Variants in PCDHGA2 observed in about 807,000 individuals in gnomAD.
The protein encoded by PCDHGA2 is protocadherin gamma subfamily A, 2, also known as protocadherin gamma-A2.
Under a neutral mutation model 59.2 loss-of-function variants are expected in PCDHGA2, and 40 were observed. That is an observed-to-expected ratio of 0.68 (90% CI 0.52 to 0.88). The LOEUF is 0.88. Among genes scored for constraint, PCDHGA2 ranks in the 40% least tolerant of loss-of-function variants. The pLI is 0.00. For synonymous variants in PCDHGA2, 560 were observed against 526.0 expected (o/e 1.06, Z -0.89); for missense variants, 1,226 against 1,204.0 (o/e 1.02, Z -0.27).
intron 1 of PCDHGA2, among the ~76,000 whole-genome samples, chr5:141,492,593 A>T (rs907659087): frequency 1.3e-5 from 2 of 152,100 alleles, no homozygotes; most frequent in African/African-American, 4.8e-5. Context: ...GGAGCGCTGG[A>T]GCGACTGCCG....
chr5:141,457,079 C>T (rs114054058), intron 1 of PCDHGA2, among the ~76,000 whole-genome samples: 2,973 of 152,194 alleles, frequency 0.02, 43 homozygotes, highest in African/African-American at 0.029. Flanking sequence ...AACTATTATC[C>T]CTGCTATAAG....
chr5:141,339,267 G>T lies in PCDHGA2; in HGVS notation c.296G>T (p.Ser99Ile). The T allele has an allele frequency of 6.2e-7, 1 of 1,614,258 alleles. No individual in the cohort carries two copies. Residue 99 changes from serine (S) to isoleucine (I), a missense_variant, in exon 1 of 4, where the codon AGC (serine) becomes ATC (isoleucine). Transcript: ENST00000394576. Reference sequence around the variant, plus strand: ...GACCGGGAGGAGCTCTGCGCTCAGAGCGCACCCTGTCTGTTGAATTTTAAC... The same window carrying T: ...GACCGGGAGGAGCTCTGCGCTCAGATCGCACCCTGTCTGTTGAATTTTAAC... ...RIDREELCAQ[S>I]APCLLNFNIL...
chr5:141,492,557 G>A (rs2154587614), intron 1 of PCDHGA2, among the ~76,000 whole-genome samples: 1 of 152,350 alleles, frequency 6.6e-6, no homozygotes, highest in East Asian at 1.9e-4. Flanking sequence ...TCGCCTGGGG[G>A]GCGGCCTGAG....
intron 1 of PCDHGA2, among the ~76,000 whole-genome samples, chr5:141,437,777 C>T (rs998490046): frequency 2.0e-5 from 3 of 148,970 alleles, no homozygotes; most frequent in Admixed American, 6.7e-5. Context: ...CTCAATCTGT[C>T]GCCAAGCTGG....
At chr5:141,423,659 A>G in intron 1 of PCDHGA2, 2 of 1,551,038 alleles carry the variant, frequency 1.3e-6, no homozygotes, top group Non-Finnish European at 1.7e-6. Flanking sequence ...ACAAGTAATC[A>G]GGTGAGATTT....
At chr5:141,360,338 T>C in intron 1 of PCDHGA2, 1 of 1,613,830 alleles carries the variant, frequency 6.2e-7, no homozygotes, top group East Asian at 2.2e-5. Flanking sequence ...AAGCTGCGGG[T>C]TAGCGCGGAG....
intron 2 of PCDHGA2, among the ~76,000 whole-genome samples, chr5:141,502,056 C>T (rs1163976282): frequency 1.3e-5 from 2 of 152,116 alleles, no homozygotes; most frequent in Non-Finnish European, 2.9e-5. Flanking sequence ...CTACTTTATT[C>T]CCATTAGCCC....
chr5:141,360,965 T>C lies in PCDHGA2; in HGVS notation c.2424+19570T>C, dbSNP rs780001160. 1.4e-5 allele frequency: 23 copies of C among 1,613,904 alleles called. 1 individual carries two copies. The highest frequency in any genetic ancestry group is 1.3e-4 in the South Asian group (12 of 91,086). ...CGGGATGAAGGCATAAACGCAGAGA[T>C]CACCTACTCCTTTCATAATGTGGAC... On this transcript the variant is annotated intron_variant, in intron 1 of 3. Coordinates refer to ENST00000394576, the MANE Select transcript of PCDHGA2 (RefSeq NM_018915.4).
intron 1 of PCDHGA2, among the ~76,000 whole-genome samples, chr5:141,466,351 A>G (rs897901821): frequency 6.6e-6 from 1 of 152,050 alleles, no homozygotes; most frequent in African/African-American, 2.4e-5. Context: ...TTTTGCAGCT[A>G]ATCTAGATGT....
chr5:141,393,434 T>C (rs1554093883), intron 1 of PCDHGA2: 5 of 1,613,902 alleles, frequency 3.1e-6, no homozygotes, highest in South Asian at 1.1e-5. Flanking sequence ...AAGAGGCTGC[T>C]CACCACCTGG....
At chr5:141,357,087 A>C in intron 1 of PCDHGA2, 1 of 1,613,882 alleles carries the variant, frequency 6.2e-7, no homozygotes, top group Non-Finnish European at 8.5e-7. Flanking sequence ...TGCGCACCGC[A>C]CGGGCCCTGC....
At chr5:141,425,606 G>A (rs1419859039) in intron 1 of PCDHGA2, among the ~76,000 whole-genome samples, 1 of 152,156 alleles carries the variant, frequency 6.6e-6, no homozygotes, top group Non-Finnish European at 1.5e-5. Context: ...GCCCTATATA[G>A]CTTTCAGTGC....
rs750914672 is a variant in PCDHGA2 at position 141,371,927 on chromosome 5, C to A, written c.2424+30532C>A. ...CCTACGTGTCCGTGAGCGCGCGGAG[C>A]GGGGTGGTGTTCGCGCAGCGAGCCT... On this transcript the variant is annotated intron_variant, in intron 1 of 3. Coordinates refer to ENST00000394576, the MANE Select transcript of PCDHGA2 (RefSeq NM_018915.4). 53 of 1,613,208 alleles carry A rather than the reference C, an allele frequency of 3.3e-5. No homozygotes were observed. The highest frequency in any genetic ancestry group is 3.9e-5 in the Non-Finnish European group (46 of 1,179,904).
Position 141,490,942 on chromosome 5 carries a change from C to T in PCDHGA2, c.2425-3865C>T, listed in dbSNP as rs371286343. On this transcript the variant is annotated intron_variant, in intron 1 of 3. Coordinates refer to ENST00000394576, the MANE Select transcript of PCDHGA2 (RefSeq NM_018915.4). This position sits in a 1 kb window ranked among gnomAD's most constrained non-coding sequence, Gnocchi z 5.4. ...TAATGCCCCAGCTGTGCTGCACCCA[C>T]GGCCAGACTGGGAACACTCAGCCCC... 8.7e-5 allele frequency: 141 copies of T among 1,613,526 alleles called. No individual in the cohort carries two copies. Among genetic ancestry groups the T allele is most frequent in the Non-Finnish European group, 1.1e-4 (126 of 1,179,768 alleles).
In PCDHGA2 at chr5:141,405,080, A is replaced by T. The variant is rs1382053021; in HGVS notation, c.2424+63685A>T. 2.5e-6 allele frequency: 4 copies of T among 1,613,560 alleles called. No individual in the cohort carries two copies. In the East Asian group the frequency reaches 6.7e-5, roughly 27 times the overall value. On this transcript the variant is annotated intron_variant, in intron 1 of 3. Coordinates refer to ENST00000394576, the MANE Select transcript of PCDHGA2 (RefSeq NM_018915.4). ...CTGTGTCTTCCTCACCTTCGTTATC[A>T]CGCTGCTGGCCCTCAGGCTGAGGCA...
chr5:141,414,378 C>T lies in PCDHGA2; in HGVS notation c.2424+72983C>T, dbSNP rs958748519. ...ATCTACCATTTAAATTAGAAAAGTC[C>T]ATTGACAGTTATTACAGATTGGTGA... On this transcript the variant is annotated intron_variant, in intron 1 of 3. Coordinates refer to ENST00000394576, the MANE Select transcript of PCDHGA2 (RefSeq NM_018915.4). 3.1e-6 allele frequency: 5 copies of T among 1,613,736 alleles called. No individual in the cohort carries two copies. In the African/African-American group the frequency reaches 5.3e-5, roughly 17 times the overall value.
At chr5:141,438,765 G>A (rs1012158127) in intron 1 of PCDHGA2, among the ~76,000 whole-genome samples, 5 of 149,658 alleles carry the variant, frequency 3.3e-5, no homozygotes, top group Middle Eastern at 3.4e-3. Context: ...GGGTTCAAGC[G>A]ATTCTCCTGC....
intron 1 of PCDHGA2, among the ~76,000 whole-genome samples, chr5:141,348,135 T>A (rs1237246748): frequency 6.6e-6 from 1 of 152,224 alleles, no homozygotes; most frequent in African/African-American, 2.4e-5. Flanking sequence ...ACTCATGAAA[T>A]CATATGAGAG....
In PCDHGA2 at chr5:141,431,468, G is replaced by C. The variant is rs756718016; in HGVS notation, c.2425-63339G>C. 4 of 1,613,804 alleles carry C rather than the reference G, an allele frequency of 2.5e-6. No homozygotes were observed. Among genetic ancestry groups the C allele is most frequent in the Non-Finnish European group, 3.4e-6 (4 of 1,179,964 alleles). On this transcript the variant is annotated intron_variant, in intron 1 of 3. Coordinates refer to ENST00000394576, the MANE Select transcript of PCDHGA2 (RefSeq NM_018915.4). The surrounding 1 kb of genome is among the most constrained non-coding windows in gnomAD (Gnocchi z 4.8). Reference sequence around the variant, plus strand: ...CCGCGTGATGGTTCTGGATGCGAACGACAACGCACCAGCGTTTGCTCAGCC... The same window carrying C: ...CCGCGTGATGGTTCTGGATGCGAACCACAACGCACCAGCGTTTGCTCAGCC...
Sources: gnomAD v4.1 joint callset for allele counts (sites outside exome capture counted in the v4.1 genomes callset) on GRCh38, gnomAD v4.1.1 for gene constraint, Gnocchi (gnomAD v3.1) non-coding constraint, MANE v1.5 for transcripts, NCBI Gene and HGNC (gene_info 2026-07-23, HGNC 2026-07-21) for gene names.